The following NRXN3 variants were observed in gnomAD, a reference collection of about 807,000 sequenced individuals.
The protein encoded by NRXN3 is neurexin III.
A neutral mutation model predicts 137.6 loss-of-function variants in NRXN3; 32 were observed. The observed-to-expected ratio is 0.23, with a 90% CI of 0.18 to 0.31. The LOEUF (loss-of-function observed/expected upper bound fraction) is 0.31, where lower values mean the gene tolerates loss of function less well. Among genes scored for constraint, NRXN3 ranks in the 10% least tolerant of loss-of-function variants. The pLI is 1.00. For synonymous variants in NRXN3, 798 were observed against 784.5 expected (o/e 1.02, Z -0.29); for missense variants, 1,574 against 2,062.5 (o/e 0.76, Z 4.59).
rs780423931 is a variant in NRXN3, at chr14:79,705,302, C to T, written c.4014+7365C>T. Among the ~76,000 whole-genome samples the T allele has an allele frequency of 1.0e-3, 152 of 152,166 alleles. 3 individuals carry two copies. The highest frequency in any genetic ancestry group is 4.1e-4 in the South Asian group (2 of 4,822). Reference sequence around the variant, plus strand: ...GAATCTAAAGCCAAAATCCTTGCTGCGTGGCATATGGTTCTCCTCCTTCCT... The same window carrying T: ...GAATCTAAAGCCAAAATCCTTGCTGTGTGGCATATGGTTCTCCTCCTTCCT... On this transcript the variant is annotated intron_variant, in intron 19 of 20. Transcript: ENST00000335750.
At chr14:78,180,873 A>G (rs530925688) in intron 1 of NRXN3, among the ~76,000 whole-genome samples, 1 of 152,186 alleles carries the variant, frequency 6.6e-6, no homozygotes, top group African/African-American at 2.4e-5. Context: ...GGTGATGAGT[A>G]TAAGTTCAAG....
intron 16 of NRXN3, among the ~76,000 whole-genome samples, chr14:79,583,868 G>T (rs1444873516): frequency 6.6e-6 from 1 of 152,166 alleles, no homozygotes; most frequent in African/African-American, 2.4e-5. Flanking sequence ...GAGAGAATAT[G>T]AAGCCTCTAT....
intron 16 of NRXN3, among the ~76,000 whole-genome samples, chr14:79,539,054 T>A (rs2097244946): frequency 6.6e-6 from 1 of 152,098 alleles, no homozygotes; most frequent in East Asian, 1.9e-4. Flanking sequence ...CGAGACAGGT[T>A]TTGTTTGTTG....
At chr14:78,400,364 T>A (rs2091936825) in intron 4 of NRXN3, among the ~76,000 whole-genome samples, 1 of 152,238 alleles carries the variant, frequency 6.6e-6, no homozygotes, top group Non-Finnish European at 1.5e-5. Flanking sequence ...ACAGTGTTTT[T>A]ACTGGTGGTA....
intron 15 of NRXN3, among the ~76,000 whole-genome samples, chr14:79,039,849 A>C (rs1455267849): frequency 6.6e-6 from 1 of 152,012 alleles, no homozygotes; most frequent in Non-Finnish European, 1.5e-5. Flanking sequence ...ATGCCACCAT[A>C]TCTGGCTAAA....
At chr14:78,180,863 G>C (rs73316375) in intron 1 of NRXN3, among the ~76,000 whole-genome samples, 1 of 152,148 alleles carries the variant, frequency 6.6e-6, no homozygotes, top group African/African-American at 2.4e-5. Context: ...GTTGGAGCTG[G>C]GTGATGAGTA....
At chr14:79,261,642 T>TGA (rs1491172251) in intron 15 of NRXN3, among the ~76,000 whole-genome samples, 2 of 33,918 alleles carry the variant, frequency 5.9e-5, no homozygotes, top group Admixed American at 4.0e-4. Flanking sequence ...TGTGTGTGTG[T>TGA]GATGGGGTGG....
At chr14:79,289,024 C>T (rs2100203131) in intron 15 of NRXN3, among the ~76,000 whole-genome samples, 2 of 151,962 alleles carry the variant, frequency 1.3e-5, no homozygotes, top group African/African-American at 4.8e-5. Context: ...AGTTATGCAC[C>T]CTTCAAAAGC....
chr14:79,008,565 CA>C (rs142552487), intron 15 of NRXN3, among the ~76,000 whole-genome samples: 34,144 of 150,490 alleles, frequency 0.23, 4,257 homozygotes, highest in Admixed American at 0.38. Context: ...TCTCTCCCTG[CA>C]AAAAAAATAG....
chr14:79,406,468 A>AT (rs1257035298), intron 15 of NRXN3, among the ~76,000 whole-genome samples: 2 of 150,836 alleles, frequency 1.3e-5, no homozygotes, highest in Non-Finnish European at 3.0e-5. Flanking sequence ...TGCCTGGCTA[A>AT]TTTTTTTTTC....
intron 1 of NRXN3, among the ~76,000 whole-genome samples, chr14:78,173,420 G>A (rs28570598): frequency 0.15 from 21,960 of 151,390 alleles, 1,957 homozygotes; most frequent in East Asian, 0.29. Flanking sequence ...GCATGGAGAG[G>A]CAGCGGAGAG....
intron 8 of NRXN3, among the ~76,000 whole-genome samples, chr14:78,788,073 G>T (rs957534884): frequency 6.6e-6 from 1 of 152,124 alleles, no homozygotes; most frequent in African/African-American, 2.4e-5. Flanking sequence ...TATGGTTCAA[G>T]ATTTACGTAA....
At chr14:78,868,809 G>A (rs139163850) in intron 10 of NRXN3, among the ~76,000 whole-genome samples, 3,260 of 151,578 alleles carry the variant, frequency 0.022, 127 homozygotes, top group African/African-American at 0.075. Context: ...CAAAAAAAGC[G>A]AAACTCCATC....
chr14:79,806,175 A>ATTTTTT (rs1311629139), intron 20 of NRXN3, among the ~76,000 whole-genome samples: 3 of 152,162 alleles, frequency 2.0e-5, no homozygotes, highest in Admixed American at 1.3e-4. Context: ...TTTTCTAGTT[A>ATTTTTT]TTTTTTGCAT....
chr14:78,775,612 A>G (rs1049833088), intron 8 of NRXN3, among the ~76,000 whole-genome samples: 3 of 152,212 alleles, frequency 2.0e-5, no homozygotes, highest in Non-Finnish European at 4.4e-5. Context: ...CCATTGTGAG[A>G]TAGGGTGGCC....
intron 16 of NRXN3, among the ~76,000 whole-genome samples, chr14:79,479,603 A>T (rs2096589262): frequency 6.6e-6 from 1 of 152,134 alleles, no homozygotes; most frequent in Non-Finnish European, 1.5e-5. Flanking sequence ...ACAGTTAAGA[A>T]TGATAAACAG....
intron 19 of NRXN3, among the ~76,000 whole-genome samples, chr14:79,790,971 C>T (rs1400337060): frequency 6.6e-6 from 1 of 152,130 alleles, no homozygotes; most frequent in Non-Finnish European, 1.5e-5. Context: ...TTTTAAACAA[C>T]CAGATCTCAT....
intron 4 of NRXN3, among the ~76,000 whole-genome samples, chr14:78,598,156 G>C (rs1362321489): frequency 2.0e-5 from 3 of 152,194 alleles, no homozygotes; most frequent in Non-Finnish European, 4.4e-5. Flanking sequence ...AGTGATTTGT[G>C]TGCAGTTTAC....
chr14:79,776,868 G>A (rs1292844107), intron 19 of NRXN3, among the ~76,000 whole-genome samples: 1 of 152,272 alleles, frequency 6.6e-6, no homozygotes, highest in Admixed American at 6.5e-5. Flanking sequence ...TGCACTGATC[G>A]CCAACTGCAA....
Sources: allele counts gnomAD v4.1 joint callset (sites outside exome capture counted in the v4.1 genomes callset), GRCh38; gene constraint gnomAD v4.1.1; transcripts MANE v1.5; gene names NCBI Gene and HGNC (gene_info 2026-07-23, HGNC 2026-07-21).